ASCC3: variants seen among roughly 807,000 people sequenced by gnomAD.
ASCC3 encodes the protein ASC-1 complex subunit P200.
ASCC3 carries 158 observed loss-of-function variants against 256.3 expected under a neutral mutation model. The observed-to-expected ratio is 0.62, with a 90% CI of 0.54 to 0.70. The LOEUF is 0.70. Ranked by LOEUF, ASCC3 falls within the 30% of genes least tolerant of loss-of-function variation. The pLI is 0.00. For synonymous variants in ASCC3, 948 were observed against 883.4 expected (o/e 1.07, Z -1.30); for missense variants, 2,259 against 2,626.0 (o/e 0.86, Z 3.05).
chr6:100,603,560 T>C (rs1246995601), intron 33 of ASCC3, among the ~76,000 whole-genome samples: 2 of 152,132 alleles, frequency 1.3e-5, no homozygotes, highest in Non-Finnish European at 2.9e-5. Flanking sequence ...TATCTTCTTA[T>C]AAATTATGAT....
At chr6:100,817,401 C>A (rs1235961843) in intron 4 of ASCC3, among the ~76,000 whole-genome samples, 2 of 150,480 alleles carry the variant, frequency 1.3e-5, no homozygotes, top group African/African-American at 2.4e-5. Context: ...CTAAAGCAAG[C>A]AGAAGGAAGG....
chr6:100,750,732 T>C (rs1260697824), intron 10 of ASCC3, among the ~76,000 whole-genome samples: 1 of 152,010 alleles, frequency 6.6e-6, no homozygotes, highest in Non-Finnish European at 1.5e-5. Flanking sequence ...CATTCTTTTA[T>C]AAAACATTAG....
At chr6:100,628,063 A>ACAAACTCTTCC in intron 27 of ASCC3, 76 bp from the exon 28 acceptor site, 2 of 1,369,724 alleles carry the variant, frequency 1.5e-6, no homozygotes, top group Non-Finnish European at 2.0e-6. Context: ...CAAAAGGAAG[A>ACAAACTCTTCC]GTTTGTAGCT....
In ASCC3 at chr6:100,608,207, ATACTT is replaced by A. The variant is rs1773083895; in HGVS notation, c.4786-1124_4786-1120del. Among the ~76,000 whole-genome samples, 2 of 51,974 alleles carry A rather than the reference ATACTT, an allele frequency of 3.8e-5. 1 individual carries two copies. Among genetic ancestry groups the A allele is most frequent in the Non-Finnish European group, 6.5e-5 (2 of 30,928 alleles). 34.1% of individuals were successfully genotyped at this position (51,974 alleles called of 152,430 possible). On this transcript the variant is annotated intron_variant, in intron 30 of 41. Transcript: ENST00000369162. ...GTGTGTATATATATACTTTATATATATACTTTATATATATACTTTATATACTTTAT... is the reference window on the plus strand; with the variant it reads ...GTGTGTATATATATACTTTATATATATATATATATACTTTATATACTTTAT...
chr6:100,540,390 GAAAA>G lies in ASCC3; in HGVS notation c.5551-7_5551-4del. On this transcript the variant is annotated splice_polypyrimidine_tract_variant and splice_region_variant and intron_variant, in intron 36 of 41. Coordinates refer to ENST00000369162, the MANE Select transcript of ASCC3 (RefSeq NM_006828.4). ...AAATCTGTATATTCTTCTGCATCCT[GAAAA>G]AAAAAAAAAGCCCCACATTGTTGGA... 1.5e-6 allele frequency: 2 copies of G among 1,327,058 alleles called. No individual in the cohort carries two copies. Among genetic ancestry groups the G allele is most frequent in the Non-Finnish European group, 2.1e-6 (2 of 956,922 alleles). The allele number at this position is 1,327,058 out of a possible 1,614,324, so 82.2% of individuals were successfully genotyped here.
At chr6:100,725,990 GT>G (rs1779604428) in intron 10 of ASCC3, among the ~76,000 whole-genome samples, 1 of 138,080 alleles carries the variant, frequency 7.2e-6, no homozygotes, top group African/African-American at 2.7e-5. Flanking sequence ...ATCTTACAAT[GT>G]AAAAAAAAAA....
chr6:100,647,854 A>C (rs879487487), intron 20 of ASCC3, among the ~76,000 whole-genome samples: 1 of 152,082 alleles, frequency 6.6e-6, no homozygotes, highest in Non-Finnish European at 1.5e-5. Context: ...GGATTAAGGA[A>C]GACTGGGATC....
In ASCC3 at chr6:100,806,074, CA is replaced by C. The variant is rs557794887; in HGVS notation, c.802-195del. ...CAAGAAGCTTTATAAAGGCTTTCTG[CA>C]ATTACATAATTAAAAAACATTATTC... On this transcript the variant is annotated intron_variant, in intron 4 of 41. Coordinates refer to ENST00000369162, the MANE Select transcript of ASCC3 (RefSeq NM_006828.4). 1.4e-4 allele frequency among the ~76,000 whole-genome samples: 22 copies of C among 151,980 alleles called. No individual in the cohort carries two copies. In the South Asian group the frequency reaches 4.6e-3, roughly 32 times the overall value.
In ASCC3 at chr6:100,582,153, T is replaced by C. The variant is rs1359577656; in HGVS notation, c.5550+7481A>G. 4.6e-5 allele frequency among the ~76,000 whole-genome samples: 7 copies of C among 152,026 alleles called. No homozygotes were observed. The East Asian group carries it at 1.2e-3, about 25-fold the overall frequency. On this transcript the variant is annotated intron_variant, in intron 36 of 41. Transcript: ENST00000369162. ...CATTGGTAGCTTGATGGGGATGGCA[T>C]TGAATCTATAAATTACCTTGGGCAG...
chr6:100,622,658 T>A (rs1207650578), intron 30 of ASCC3, among the ~76,000 whole-genome samples: 2 of 151,766 alleles, frequency 1.3e-5, no homozygotes, highest in Admixed American at 1.3e-4. Context: ...AATACAATTA[T>A]AACAAATATT....
intron 13 of ASCC3, among the ~76,000 whole-genome samples, chr6:100,711,849 A>C (rs1778868344): frequency 6.6e-6 from 1 of 152,264 alleles, no homozygotes; most frequent in Non-Finnish European, 1.5e-5. Flanking sequence ...TTCAAAATTA[A>C]ATGGAGACCC....
At chr6:100,543,186 CT>C (rs1775546548) in intron 36 of ASCC3, among the ~76,000 whole-genome samples, 1 of 151,676 alleles carries the variant, frequency 6.6e-6, no homozygotes, top group Non-Finnish European at 1.5e-5. Context: ...CTCCTGTATA[CT>C]TTAAGTCATC....
At chr6:100,675,982 C>T (rs560675169) in intron 14 of ASCC3, among the ~76,000 whole-genome samples, 12 of 152,124 alleles carry the variant, frequency 7.9e-5, no homozygotes, top group East Asian at 3.9e-4. Context: ...GGCTTAATAA[C>T]GAAAATATAT....
intron 36 of ASCC3, among the ~76,000 whole-genome samples, chr6:100,571,563 T>C (rs1770594373): frequency 6.6e-6 from 1 of 152,208 alleles, no homozygotes; most frequent in South Asian, 2.1e-4. Context: ...TATTAAATAA[T>C]AGCTAACATT....
rs142163036 is a variant in ASCC3 at position 100,681,675 on chromosome 6, C to T, written c.2152-1923G>A. ...CTGGGAGGCAGAGGTTGCAGTGAGCCGGGATTACGCCACTGCACTCCAGCC... is the reference window on the plus strand; with the variant it reads ...CTGGGAGGCAGAGGTTGCAGTGAGCTGGGATTACGCCACTGCACTCCAGCC... On this transcript the variant is annotated intron_variant, in intron 13 of 41. Transcript: ENST00000369162. Among the ~76,000 whole-genome samples the T allele has an allele frequency of 0.015, 1,812 of 123,510 alleles. 89 individuals carry two copies. The East Asian group carries it at 0.18, about 12-fold the overall frequency. 81.0% of individuals were successfully genotyped at this position (123,510 alleles called of 152,430 possible). A position where few individuals can be genotyped will look rare whatever the true frequency, so the allele number is the denominator to read the frequency against.
intron 13 of ASCC3, among the ~76,000 whole-genome samples, chr6:100,699,772 C>A (rs373913782): frequency 1.3e-5 from 2 of 152,068 alleles, no homozygotes; most frequent in East Asian, 3.9e-4. Context: ...GCAAAGGTGA[C>A]TCTTGTTATG....
intron 36 of ASCC3, among the ~76,000 whole-genome samples, chr6:100,588,957 C>T (rs1771846160): frequency 6.6e-6 from 1 of 151,986 alleles, no homozygotes; most frequent in Non-Finnish European, 1.5e-5. Flanking sequence ...ATATGAATAT[C>T]CTAACTAATG....
intron 8 of ASCC3, among the ~76,000 whole-genome samples, chr6:100,779,981 T>G (rs961827278): frequency 2.0e-5 from 3 of 152,072 alleles, no homozygotes; most frequent in African/African-American, 7.2e-5. Flanking sequence ...AATAAACAAC[T>G]GAAAAATATT....
Position 100,609,083 on chromosome 6 carries a change from C to A in ASCC3, c.4786-1995G>T, listed in dbSNP as rs183815319. On this transcript the variant is annotated intron_variant, in intron 30 of 41. Coordinates refer to ENST00000369162, the MANE Select transcript of ASCC3 (RefSeq NM_006828.4). ...GGCCTGCTATAAATATTTTTGCCCCCAGTTTTTTATTTGCACTTTATTTTA... is the reference window on the plus strand; with the variant it reads ...GGCCTGCTATAAATATTTTTGCCCCAAGTTTTTTATTTGCACTTTATTTTA... Among the ~76,000 whole-genome samples, 36 of 151,596 alleles carry A rather than the reference C, an allele frequency of 2.4e-4. No individual in the cohort carries two copies. The East Asian group carries it at 6.6e-3, about 28-fold the overall frequency.
Sources: gnomAD v4.1 joint callset for allele counts (sites outside exome capture counted in the v4.1 genomes callset) on GRCh38, gnomAD v4.1.1 for gene constraint, MANE v1.5 for transcripts, NCBI Gene and HGNC (gene_info 2026-07-23, HGNC 2026-07-21) for gene names.